PDK1: variants seen among roughly 807,000 people sequenced by gnomAD.
PDK1 encodes the protein pyruvate dehydrogenase kinase 1.
In PDK1, 39 loss-of-function variants were observed where a neutral mutation model predicts 54.2. That is an observed-to-expected ratio of 0.72 (90% CI 0.56 to 0.94). The LOEUF (loss-of-function observed/expected upper bound fraction) is 0.94, where lower values mean the gene tolerates loss of function less well. Ranked by LOEUF, PDK1 falls within the 40% of genes least tolerant of loss-of-function variation. The pLI, the probability that PDK1 is intolerant of heterozygous loss-of-function variation, is 0.00. For missense variants in PDK1, 552 were observed against 566.0 expected, an observed-to-expected ratio of 0.98 and a Z score of 0.25; for synonymous variants, 221 against 207.1, an observed-to-expected ratio of 1.07 and a Z score of -0.58.
rs1250738373 is a variant in PDK1 at position 172,607,068 on chromosome 2, A to G, written c.*11099A>G. On this transcript the variant is annotated 3_prime_UTR_variant, in exon 11 of 11. Coordinates refer to ENST00000282077, the MANE Select transcript of PDK1 (RefSeq NM_002610.5). ...TTAGCTCTCAGGCATATTGTCTTCA[A>G]AGGAATGTTTTAAACCAGCCAAAGA... 1 of 152,230 alleles carries G rather than the reference A, an allele frequency of 6.6e-6. No individual in the cohort carries two copies. The highest frequency in any genetic ancestry group is 2.4e-5 in the African/African-American group (1 of 41,466). The allele number at this position is 152,230 out of a possible 1,614,324, so 9.4% of individuals were successfully genotyped here. A position where few individuals can be genotyped will look rare whatever the true frequency, so the allele number is the denominator to read the frequency against.
the PDK1 span, among the ~76,000 whole-genome samples, chr2:172,679,380 G>C: frequency 6.6e-6 from 1 of 152,050 alleles, no homozygotes; most frequent in South Asian, 2.1e-4. Context: ...CCAGGAGTTT[G>C]AGGCTGCAGT....
At chr2:172,695,826 A>G in the PDK1 span, among the ~76,000 whole-genome samples, 1 of 152,284 alleles carries the variant, frequency 6.6e-6, no homozygotes, top group African/African-American at 2.4e-5. Context: ...GCAAAAAGCT[A>G]GGGCCCTCAG....
the PDK1 span, chr2:172,679,109 T>C: frequency 6.6e-6 from 1 of 152,218 alleles, no homozygotes; most frequent in Non-Finnish European, 1.5e-5. Context: ...TACTGCTGAC[T>C]TGATGCTCAT....
chr2:172,676,119 C>G, the PDK1 span, among the ~76,000 whole-genome samples: 3 of 152,112 alleles, frequency 2.0e-5, no homozygotes, highest in Non-Finnish European at 2.9e-5. Flanking sequence ...CAAAATATTA[C>G]TACTGATTGA....
intron 7 of PDK1, among the ~76,000 whole-genome samples, chr2:172,570,106 G>A (rs1432151155): frequency 3.3e-5 from 5 of 152,084 alleles, no homozygotes; most frequent in South Asian, 2.1e-4. Flanking sequence ...TTCCAAATTC[G>A]GATGCCTTTT....
the PDK1 span, among the ~76,000 whole-genome samples, chr2:172,619,384 CA>C: frequency 5.2e-4 from 79 of 152,188 alleles, no homozygotes; most frequent in Non-Finnish European, 1.1e-3. Flanking sequence ...CTCAGTGGAC[CA>C]GGGGTGGAGC....
At chr2:172,688,768 C>T in the PDK1 span, among the ~76,000 whole-genome samples, 2 of 137,672 alleles carry the variant, frequency 1.5e-5, no homozygotes, top group Non-Finnish European at 3.1e-5. Flanking sequence ...CTGAGTGCAA[C>T]CCAGAGTAAG....
chr2:172,567,667 G>A (rs1176411409), intron 6 of PDK1, among the ~76,000 whole-genome samples: 1 of 152,254 alleles, frequency 6.6e-6, no homozygotes, highest in Non-Finnish European at 1.5e-5. Context: ...CATGATGGTA[G>A]CATAGCATTT....
the PDK1 span, among the ~76,000 whole-genome samples, chr2:172,625,984 T>A: frequency 6.6e-6 from 1 of 152,204 alleles, no homozygotes; most frequent in Admixed American, 6.5e-5. Context: ...TAAAGGTAGT[T>A]AGTCTGCAGC....
intron 8 of PDK1, among the ~76,000 whole-genome samples, chr2:172,582,020 C>T (rs535758479): frequency 8.5e-5 from 13 of 152,220 alleles, no homozygotes; most frequent in African/African-American, 2.9e-4. Context: ...TCAAGCAATT[C>T]TCCTGTCTCA....
chr2:172,642,728 A>C, the PDK1 span, among the ~76,000 whole-genome samples: 1 of 151,898 alleles, frequency 6.6e-6, no homozygotes, highest in Non-Finnish European at 1.5e-5. Flanking sequence ...TCCCTCAGGC[A>C]CTTTGTGCCA....
At chr2:172,672,998 A>G in the PDK1 span, among the ~76,000 whole-genome samples, 2 of 152,200 alleles carry the variant, frequency 1.3e-5, no homozygotes, top group African/African-American at 4.8e-5. Context: ...ACTGAGGGGC[A>G]TGAGGCAGAA....
the PDK1 span, among the ~76,000 whole-genome samples, chr2:172,669,242 G>C: frequency 6.8e-6 from 1 of 147,828 alleles, no homozygotes; most frequent in South Asian, 2.3e-4. Context: ...TGTATTTTTA[G>C]TAGAGACGGG....
In PDK1 at chr2:172,597,901, A is replaced by AGAGGG. The variant is rs1690973279; in HGVS notation, c.*1932_*1933insGAGGG. On this transcript the variant is annotated 3_prime_UTR_variant, in exon 11 of 11. Coordinates refer to ENST00000282077, the MANE Select transcript of PDK1 (RefSeq NM_002610.5). ...TTATATAAGATGAACAGTTGTGATAAATGTGTAGATTAGAGGGATGTGAAT... is the reference window on the plus strand; with the variant it reads ...TTATATAAGATGAACAGTTGTGATAAGAGGGATGTGTAGATTAGAGGGATGTGAAT... The AGAGGG allele has an allele frequency of 6.6e-6, 1 of 152,164 alleles. No homozygotes were observed. The highest frequency in any genetic ancestry group is 1.5e-5 in the Non-Finnish European group (1 of 68,032). The allele number at this position is 152,164 out of a possible 1,614,324, so 9.4% of individuals were successfully genotyped here.
the PDK1 span, chr2:172,723,792 G>C: frequency 6.6e-6 from 1 of 152,188 alleles, no homozygotes; most frequent in Non-Finnish European, 1.5e-5. Flanking sequence ...GTAGTACTTA[G>C]AGCATGGTAT....
At chr2:172,721,263 G>C in the PDK1 span, among the ~76,000 whole-genome samples, 1 of 152,146 alleles carries the variant, frequency 6.6e-6, no homozygotes, top group African/African-American at 2.4e-5. Context: ...TTTATCTGTA[G>C]TTTTTCTTAT....
chr2:172,619,435 G>T, the PDK1 span, among the ~76,000 whole-genome samples: 20 of 151,842 alleles, frequency 1.3e-4, no homozygotes, highest in Non-Finnish European at 2.9e-4. Context: ...GACACTGCCC[G>T]TAACTCATTT....
the PDK1 span, among the ~76,000 whole-genome samples, chr2:172,649,068 T>C: frequency 6.6e-6 from 1 of 152,226 alleles, no homozygotes; most frequent in Non-Finnish European, 1.5e-5. Flanking sequence ...GTAGCCTAAC[T>C]GGGAGACACC....
the PDK1 span, among the ~76,000 whole-genome samples, chr2:172,623,866 T>G: frequency 6.6e-6 from 1 of 152,256 alleles, no homozygotes; most frequent in African/African-American, 2.4e-5. Context: ...TGGGCACTCC[T>G]AACTTAAAAT....
Sources: allele counts gnomAD v4.1 joint callset (sites outside exome capture counted in the v4.1 genomes callset), GRCh38; gene constraint gnomAD v4.1.1; transcripts MANE v1.5; gene names NCBI Gene and HGNC (gene_info 2026-07-23, HGNC 2026-07-21).